BICC1: variants seen among roughly 807,000 people sequenced by gnomAD.
BICC1 encodes the protein BicC family RNA binding protein 1.
BICC1 carries 43 observed loss-of-function variants against 111.0 expected under a neutral mutation model. The ratio of observed to expected loss-of-function variants is 0.39; its 90% confidence interval spans 0.30 to 0.50. BICC1 has a LOEUF of 0.50. Among genes scored for constraint, BICC1 ranks in the 20% least tolerant of loss-of-function variants. The pLI is 0.88. For missense variants in BICC1, 1,091 were observed against 1,203.2 expected (o/e 0.91, Z 1.38); for synonymous variants, 467 against 434.4 (o/e 1.07, Z -0.93).
At chr10:58,721,569 C>T (rs1840941493) in intron 3 of BICC1, among the ~76,000 whole-genome samples, 1 of 152,086 alleles carries the variant, frequency 6.6e-6, no homozygotes, top group Non-Finnish European at 1.5e-5. Context: ...AAAATATGCT[C>T]CAAACCATCT....
chr10:58,530,461 T>C (rs949271065), intron 1 of BICC1, among the ~76,000 whole-genome samples: 4 of 151,830 alleles, frequency 2.6e-5, no homozygotes, highest in Admixed American at 6.6e-5. Flanking sequence ...CCTGCGATTC[T>C]GTGTTAATAC....
chr10:58,617,304 T>G (rs1164675891), intron 1 of BICC1, among the ~76,000 whole-genome samples: 1 of 152,180 alleles, frequency 6.6e-6, no homozygotes, highest in Non-Finnish European at 1.5e-5. Flanking sequence ...AGACATCCAC[T>G]TTAGCAAAGT....
rs75657258 is a variant in BICC1 at position 58,572,809 on chromosome 10, A to G, written c.191-48046A>G. On this transcript the variant is annotated intron_variant, in intron 1 of 20. Transcript: ENST00000373886. ...TGAGAACACCAGATAGCCAGAGGTA[A>G]ACAATACTACGCCTTTGATCCCTCA... is the stretch of plus-strand genomic sequence containing the variant. Among the ~76,000 whole-genome samples, 796 of 152,290 alleles carry G rather than the reference A, an allele frequency of 5.2e-3. 5 individuals are homozygous for G. The highest frequency in any genetic ancestry group is 0.018 in the African/African-American group (758 of 41,574).
intron 2 of BICC1, among the ~76,000 whole-genome samples, chr10:58,680,080 A>G (rs1300494127): frequency 6.6e-6 from 1 of 152,202 alleles, no homozygotes; most frequent in Non-Finnish European, 1.5e-5. Context: ...AGCCAATATC[A>G]TACTGAATGG....
chr10:58,641,685 T>C lies in BICC1; in HGVS notation c.237+20784T>C, dbSNP rs192435784. 8.5e-3 allele frequency among the ~76,000 whole-genome samples: 1,296 copies of C among 152,278 alleles called. 7 individuals carry two copies. Among genetic ancestry groups the C allele is most frequent in the Non-Finnish European group, 0.014 (930 of 68,014 alleles). Reference sequence around the variant, plus strand: ...AGGAAACTTTATAGCCTCTGTACTTTGTAATGGAGAATGAGTTGGCTGTGG... The same window carrying C: ...AGGAAACTTTATAGCCTCTGTACTTCGTAATGGAGAATGAGTTGGCTGTGG... On this transcript the variant is annotated intron_variant, in intron 2 of 20. Coordinates refer to ENST00000373886, the MANE Select transcript of BICC1 (RefSeq NM_001080512.3).
chr10:58,786,897 A>T, intron 4 of BICC1, 26 bp from the exon 5 acceptor site: 1 of 1,521,586 alleles, frequency 6.6e-7, no homozygotes, highest in Non-Finnish European at 8.8e-7. Context: ...GCATACATCA[A>T]GTAATAATAC....
intron 1 of BICC1, among the ~76,000 whole-genome samples, chr10:58,530,662 A>G (rs1215603822): frequency 2.7e-5 from 4 of 145,670 alleles, no homozygotes; most frequent in African/African-American, 1.0e-4. Flanking sequence ...GTCCAGTACA[A>G]TGTCTTTATA....
At chr10:58,795,437 C>A (rs12218599) in intron 9 of BICC1, among the ~76,000 whole-genome samples, 3 of 152,060 alleles carry the variant, frequency 2.0e-5, no homozygotes, top group African/African-American at 4.8e-5. Context: ...GATACCAGGA[C>A]TAAAAGATAA....
rs1554830542 is a variant in BICC1, at chr10:58,769,425, T to TAA, written c.308-15575_308-15574dup. On this transcript the variant is annotated intron_variant, in intron 3 of 20. Coordinates refer to ENST00000373886, the MANE Select transcript of BICC1 (RefSeq NM_001080512.3). ...GTGTGTATATATATATATATATATA[T>TAA]AATCACAGTATATATCTTTAATAGA... Among the ~76,000 whole-genome samples the TAA allele has an allele frequency of 1.8e-3, 267 of 145,042 alleles. 3 individuals carry two copies. The highest frequency in any genetic ancestry group is 6.2e-3 in the African/African-American group (248 of 40,154).
intron 1 of BICC1, among the ~76,000 whole-genome samples, chr10:58,549,503 A>G (rs1196844100): frequency 1.3e-5 from 2 of 152,170 alleles, no homozygotes; most frequent in South Asian, 4.1e-4. Context: ...ATAGATGTCT[A>G]GTAGTATCTC....
chr10:58,562,908 T>G (rs1843649234), intron 1 of BICC1, among the ~76,000 whole-genome samples: 1 of 152,162 alleles, frequency 6.6e-6, no homozygotes, highest in African/African-American at 2.4e-5. Flanking sequence ...CTGTGGGTGT[T>G]TCTGTAGGCA....
chr10:58,640,889 C>A (rs1270810281), intron 2 of BICC1, among the ~76,000 whole-genome samples: 4 of 152,166 alleles, frequency 2.6e-5, no homozygotes, highest in Non-Finnish European at 5.9e-5. Flanking sequence ...TTTTGAGGGA[C>A]AGCTAAATTT....
At chr10:58,753,335 A>AT (rs965158038) in intron 3 of BICC1, among the ~76,000 whole-genome samples, 31 of 152,054 alleles carry the variant, frequency 2.0e-4, no homozygotes, top group African/African-American at 6.0e-4. Flanking sequence ...GGCCTGGCTG[A>AT]TTTTTTATTT....
In BICC1 at chr10:58,782,832, G is replaced by A. The variant is rs56677581; in HGVS notation, c.308-2169G>A. Among the ~76,000 whole-genome samples, 425 of 152,224 alleles carry A rather than the reference G, an allele frequency of 2.8e-3. 1 individual carries two copies. The highest frequency in any genetic ancestry group is 9.7e-3 in the African/African-American group (405 of 41,546). Reference sequence around the variant, plus strand: ...CCTCCTTTAAGCCTATTGCCTAGCCGAGCTATTATGGATGAAATAAGAATT... The same window carrying A: ...CCTCCTTTAAGCCTATTGCCTAGCCAAGCTATTATGGATGAAATAAGAATT... On this transcript the variant is annotated intron_variant, in intron 3 of 20. Transcript: ENST00000373886.
At chr10:58,553,243 T>A in intron 1 of BICC1, among the ~76,000 whole-genome samples, 1 of 152,158 alleles carries the variant, frequency 6.6e-6, no homozygotes, top group East Asian at 1.9e-4. Context: ...AGGTTACCAA[T>A]CAGCTGTCCT....
At chr10:58,678,404 C>T (rs1839412918) in intron 2 of BICC1, among the ~76,000 whole-genome samples, 2 of 152,120 alleles carry the variant, frequency 1.3e-5, no homozygotes, top group African/African-American at 4.8e-5. Context: ...ATTCTAGTCT[C>T]TGATAAAACA....
intron 11 of BICC1, 128 bp from the exon 12 acceptor site, chr10:58,798,928 A>T: frequency 1.4e-6 from 1 of 690,692 alleles, no homozygotes; most frequent in Non-Finnish European, 2.3e-6. Context: ...ACCTCTGTTT[A>T]CAGAGGTGTC....
At chr10:58,584,073 C>T (rs200338838) in intron 1 of BICC1, among the ~76,000 whole-genome samples, 21,393 of 150,906 alleles carry the variant, frequency 0.14, 1,736 homozygotes, top group East Asian at 0.25. Context: ...CACACACACA[C>T]ACACACACAC....
chr10:58,561,026 G>A (rs1240374706), intron 1 of BICC1, among the ~76,000 whole-genome samples: 1 of 151,954 alleles, frequency 6.6e-6, no homozygotes, highest in Non-Finnish European at 1.5e-5. Flanking sequence ...GAAATGTTCT[G>A]TAAATGTCTG....
Sources: gnomAD v4.1 joint callset for allele counts (sites outside exome capture counted in the v4.1 genomes callset) on GRCh38, gnomAD v4.1.1 for gene constraint, MANE v1.5 for transcripts, NCBI Gene and HGNC (gene_info 2026-07-23, HGNC 2026-07-21) for gene names.